GABRG3: variants seen among roughly 807,000 people sequenced by gnomAD.
GABRG3 encodes the protein gamma-aminobutyric acid type A receptor subunit gamma3, also known as gamma-aminobutyric acid receptor subunit gamma-3.
Under a neutral mutation model 48.8 loss-of-function variants are expected in GABRG3, and 25 were observed. That is an observed-to-expected ratio of 0.51 (90% CI 0.37 to 0.72). The LOEUF (loss-of-function observed/expected upper bound fraction) is 0.72, where lower values mean the gene tolerates loss of function less well. Ranked by LOEUF, GABRG3 falls within the 30% of genes least tolerant of loss-of-function variation. The pLI is 0.00. For synonymous variants in GABRG3, 227 were observed against 217.6 expected (o/e 1.04, Z -0.38); for missense variants, 394 against 577.9 (o/e 0.68, Z 3.26).
At chr15:27,275,300 T>C (rs773317830) in intron 3 of GABRG3, among the ~76,000 whole-genome samples, 3 of 152,220 alleles carry the variant, frequency 2.0e-5, no homozygotes, top group Non-Finnish European at 4.4e-5. Context: ...ATTTCATGGT[T>C]CTTTCTATAT....
intron 3 of GABRG3, among the ~76,000 whole-genome samples, chr15:27,200,394 T>A (rs1566962974): frequency 6.6e-6 from 1 of 152,182 alleles, no homozygotes; most frequent in Non-Finnish European, 1.5e-5. Context: ...TTTGGGAGTT[T>A]TACATGAAGT....
rs1395673575 is a variant in GABRG3, at chr15:27,447,041, C to T, written c.575-33609C>T. 1.3e-5 allele frequency among the ~76,000 whole-genome samples: 2 copies of T among 152,160 alleles called. No individual in the cohort carries two copies. Among genetic ancestry groups the T allele is most frequent in the Non-Finnish European group, 2.9e-5 (2 of 68,032 alleles). On this transcript the variant is annotated intron_variant, in intron 5 of 9. Coordinates refer to ENST00000615808, the MANE Select transcript of GABRG3 (RefSeq NM_033223.5). This position sits in a 1 kb window ranked among gnomAD's most constrained non-coding sequence, Gnocchi z 4.0. ...TATGCATTGAGGGTCTAGGGATGAA[C>T]CCCACACAAAGCCTACATGGGAAGA...
At chr15:27,283,469 T>C (rs927074887) in intron 3 of GABRG3, among the ~76,000 whole-genome samples, 5 of 152,102 alleles carry the variant, frequency 3.3e-5, no homozygotes, top group African/African-American at 9.7e-5. Context: ...CCAGGCTTGA[T>C]GGTGTGTGCT....
intron 3 of GABRG3, among the ~76,000 whole-genome samples, chr15:27,192,005 G>T (rs1226863347): frequency 6.6e-6 from 1 of 152,036 alleles, no homozygotes; most frequent in African/African-American, 2.4e-5. Flanking sequence ...GGCTGGATAT[G>T]AAATTCTGGG....
At chr15:27,065,903 C>G (rs888597375) in intron 3 of GABRG3, among the ~76,000 whole-genome samples, 5 of 152,184 alleles carry the variant, frequency 3.3e-5, no homozygotes, top group Admixed American at 3.3e-4. Context: ...GGTTTCCAAA[C>G]AGAGAAAATC....
chr15:27,366,184 C>G (rs1895192620), intron 5 of GABRG3: 1 of 152,106 alleles, frequency 6.6e-6, no homozygotes, highest in South Asian at 2.1e-4. Flanking sequence ...GATTGCTCTT[C>G]TAGTTTAAAT....
intron 3 of GABRG3, among the ~76,000 whole-genome samples, chr15:27,326,109 T>G (rs1236754398): frequency 6.6e-6 from 1 of 152,192 alleles, no homozygotes; most frequent in Non-Finnish European, 1.5e-5. Flanking sequence ...ATTTGATGGC[T>G]GCACAAAGTC....
chr15:27,284,717 A>G (rs926570682), intron 3 of GABRG3, among the ~76,000 whole-genome samples: 1 of 152,210 alleles, frequency 6.6e-6, no homozygotes. Flanking sequence ...TTACTGGCCT[A>G]TAAACTAGAT....
chr15:27,500,975 C>T (rs1444065902), intron 6 of GABRG3, among the ~76,000 whole-genome samples: 13 of 102,912 alleles, frequency 1.3e-4, no homozygotes, highest in African/African-American at 3.7e-4. Context: ...TTTTTTGAGA[C>T]GGAGTCTCAC....
intron 3 of GABRG3, among the ~76,000 whole-genome samples, chr15:27,113,650 A>G (rs761218656): frequency 9.9e-5 from 15 of 152,198 alleles, no homozygotes; most frequent in Non-Finnish European, 2.1e-4. Context: ...CTTCCACCCA[A>G]GGACCCCAGC....
At chr15:27,465,533 T>C (rs1032100899) in intron 5 of GABRG3, among the ~76,000 whole-genome samples, 1 of 152,210 alleles carries the variant, frequency 6.6e-6, no homozygotes, top group African/African-American at 2.4e-5. Context: ...GGAGATTTTA[T>C]ACCGAATTCC....
intron 3 of GABRG3, among the ~76,000 whole-genome samples, chr15:27,266,490 C>T (rs1280204695): frequency 1.3e-5 from 2 of 152,076 alleles, no homozygotes. Context: ...CACATTTGTT[C>T]TTCTCTTTCA....
intron 3 of GABRG3, among the ~76,000 whole-genome samples, chr15:27,284,929 G>A (rs146679590): frequency 6.6e-6 from 1 of 152,174 alleles, no homozygotes; most frequent in South Asian, 2.1e-4. Flanking sequence ...AAAGAAACTT[G>A]TTGAAAGCAG....
intron 5 of GABRG3, among the ~76,000 whole-genome samples, chr15:27,448,627 T>C (rs1332575583): frequency 6.6e-6 from 1 of 152,224 alleles, no homozygotes; most frequent in East Asian, 1.9e-4. Context: ...GGTAGGGATT[T>C]CTGTTATGCC....
At chr15:27,006,626 A>T (rs1352194517) in intron 2 of GABRG3, among the ~76,000 whole-genome samples, 1 of 152,132 alleles carries the variant, frequency 6.6e-6, no homozygotes, top group African/African-American at 2.4e-5. Flanking sequence ...ATAGTAACCG[A>T]TAGGTAGTTT....
intron 5 of GABRG3, chr15:27,350,234 C>A (rs984524385): frequency 2.2e-6 from 1 of 454,886 alleles, no homozygotes; most frequent in Non-Finnish European, 4.4e-6. Context: ...CGCTTCCATT[C>A]GTGGGGAAAT....
intron 3 of GABRG3, among the ~76,000 whole-genome samples, chr15:27,028,055 C>T (rs1896015106): frequency 6.6e-6 from 1 of 152,142 alleles, no homozygotes; most frequent in South Asian, 2.1e-4. Context: ...TCCTGCAGGC[C>T]TTTAACTTTA....
At chr15:27,382,922 T>C (rs1336467746) in intron 5 of GABRG3, among the ~76,000 whole-genome samples, 1 of 152,136 alleles carries the variant, frequency 6.6e-6, no homozygotes, top group Non-Finnish European at 1.5e-5. Context: ...CGGGAAAATG[T>C]TGAGTGTGCT....
chr15:27,088,017 G>T (rs1595516204), intron 3 of GABRG3, among the ~76,000 whole-genome samples: 1 of 151,306 alleles, frequency 6.6e-6, no homozygotes, highest in African/African-American at 2.4e-5. Flanking sequence ...GGTTGTGTGT[G>T]TGCATGTGTA....
Sources: gnomAD v4.1 joint callset for allele counts (sites outside exome capture counted in the v4.1 genomes callset) on GRCh38, gnomAD v4.1.1 for gene constraint, Gnocchi (gnomAD v3.1) non-coding constraint, MANE v1.5 for transcripts, NCBI Gene and HGNC (gene_info 2026-07-23, HGNC 2026-07-21) for gene names.